NTN1: variants seen among roughly 807,000 people sequenced by gnomAD.
The protein encoded by NTN1 is netrin 1, also known as netrin-1.
NTN1 carries 11 observed loss-of-function variants against 54.2 expected under a neutral mutation model. The ratio of observed to expected loss-of-function variants is 0.20; its 90% confidence interval spans 0.13 to 0.34. NTN1 has a LOEUF of 0.34. NTN1 is among the 10% of genes least tolerant of loss of function. The pLI, the probability that NTN1 is intolerant of heterozygous loss-of-function variation, is 1.00. For synonymous variants in NTN1, 371 were observed against 382.0 expected (o/e 0.97, Z 0.33); for missense variants, 740 against 893.1 (o/e 0.83, Z 2.18).
At position 9,179,877 on chromosome 17, in the gene NTN1, G is replaced by T. The variant is rs1289412509; in HGVS notation, c.1278G>T (p.Lys426Asn). The T allele has an allele frequency of 6.2e-7, 1 of 1,614,028 alleles. No individual in the cohort carries two copies. The highest frequency in any genetic ancestry group is 1.3e-5 in the African/African-American group (1 of 74,952). ...AAACCACCGGCCAGTGTCCCTGCAA[G>T]GACGGCGTGACGGGTATCACCTGCA... ...CNQTTGQCPC[K>N]DGVTGITCNR... is the part of the protein sequence containing the mutation. The change falls in exon 4 of 7, where the codon AAG (lysine) becomes AAT (asparagine). Residue 426 changes from lysine (K) to asparagine (N), a missense_variant. By Grantham distance (94) the Lys-to-Asn change is moderately conservative. Transcript: ENST00000173229.
chr17:9,229,465 G>A (rs181813159), intron 6 of NTN1, among the ~76,000 whole-genome samples: 123 of 152,248 alleles, frequency 8.1e-4, no homozygotes, highest in Middle Eastern at 3.4e-3. Flanking sequence ...AATACTCTGC[G>A]CGGGATTAGG....
At chr17:9,197,373 C>T (rs969607770) in intron 5 of NTN1, among the ~76,000 whole-genome samples, 6 of 151,984 alleles carry the variant, frequency 3.9e-5, no homozygotes, top group South Asian at 4.2e-4. Flanking sequence ...AAATTCATGA[C>T]GTGGGCCAGG....
In NTN1 at chr17:9,135,114, T is replaced by C. The variant is rs930634665; in HGVS notation, c.1019-27699T>C. Among the ~76,000 whole-genome samples the C allele has an allele frequency of 6.6e-6, 1 of 152,138 alleles. No homozygotes were observed. Among genetic ancestry groups the C allele is most frequent in the Non-Finnish European group, 1.5e-5 (1 of 68,032 alleles). The stretch of plus-strand genomic sequence containing the variant: ...CACACCGAGGGCCCGGTAAGGCACA[T>C]TGTCCCCCAGCCCCTGATGCTCCCG... On this transcript the variant is annotated intron_variant, in intron 2 of 6. Transcript: ENST00000173229. The surrounding 1 kb of genome is among the most constrained non-coding windows in gnomAD (Gnocchi z 4.4).
chr17:9,022,974 G>T lies in NTN1; in HGVS notation c.601G>T (p.Ala201Ser). 1 of 1,610,858 alleles carries T rather than the reference G, an allele frequency of 6.2e-7. No individual in the cohort carries two copies. The highest frequency in any genetic ancestry group is 1.1e-5 in the South Asian group (1 of 90,820). The stretch of plus-strand genomic sequence containing the variant: ...CATCACCAAGCAGAACGAGCAGGAG[G>T]CCGTGTGCACCGACTCGCACACCGA... ...APITKQNEQEAVCTDSHTDMR... is the reference protein window; with the variant it reads ...APITKQNEQESVCTDSHTDMR... The change falls in exon 2 of 7, where the codon GCC becomes TCC. Residue 201 changes from alanine to serine, a missense_variant. By Grantham distance (99) the Ala-to-Ser change is moderately conservative. Coordinates refer to ENST00000173229, the MANE Select transcript of NTN1 (RefSeq NM_004822.3).
chr17:9,115,171 G>A (rs1294968858), intron 2 of NTN1, among the ~76,000 whole-genome samples: 1 of 152,242 alleles, frequency 6.6e-6, no homozygotes, highest in Non-Finnish European at 1.5e-5. Flanking sequence ...GACTGTGTAA[G>A]TGGGTGAATG....
chr17:9,221,342 G>C lies in NTN1; in HGVS notation c.1486+100G>C. 3 of 877,004 alleles carry C rather than the reference G, an allele frequency of 3.4e-6. No homozygotes were observed. The highest frequency in any genetic ancestry group is 5.8e-6 in the Non-Finnish European group (3 of 513,264). The allele number at this position is 877,004 out of a possible 1,614,324, so 54.3% of individuals were successfully genotyped here. ...AGCTGGCCCCCGATGGGTGTTGGTC[G>C]TGAAGACCCTGTGACCGATGGGAAC... On this transcript the variant is annotated intron_variant, in intron 6 of 6. Coordinates refer to ENST00000173229, the MANE Select transcript of NTN1 (RefSeq NM_004822.3). The surrounding 1 kb of genome is among the most constrained non-coding windows in gnomAD (Gnocchi z 4.5).
In NTN1 at chr17:9,211,746, T is replaced by C. The variant is rs976628439; in HGVS notation, c.1412-9422T>C. ...AGTTTGCTAGGCAGAAGCGCTATAT[T>C]CTTGTTGGTTTATGTTTTGTTTCTT... On this transcript the variant is annotated intron_variant, in intron 5 of 6. Coordinates refer to ENST00000173229, the MANE Select transcript of NTN1 (RefSeq NM_004822.3). The surrounding 1 kb of genome is among the most constrained non-coding windows in gnomAD (Gnocchi z 4.4). Among the ~76,000 whole-genome samples the C allele has an allele frequency of 5.3e-5, 8 of 150,700 alleles. No individual in the cohort carries two copies. Among genetic ancestry groups the C allele is most frequent in the Admixed American group, 4.0e-4 (6 of 15,054 alleles).
At chr17:9,034,547 C>A (rs1207687469) in intron 2 of NTN1, among the ~76,000 whole-genome samples, 1 of 151,614 alleles carries the variant, frequency 6.6e-6, no homozygotes. Context: ...CTCAGCCTCC[C>A]GAGTAGCTGA....
chr17:9,033,521 C>T (rs2091893922), intron 2 of NTN1, among the ~76,000 whole-genome samples: 1 of 152,154 alleles, frequency 6.6e-6, no homozygotes, highest in African/African-American at 2.4e-5. Context: ...CCAGTAATCC[C>T]AGCACTTTGG....
intron 2 of NTN1, among the ~76,000 whole-genome samples, chr17:9,099,760 T>C (rs1276407191): frequency 2.0e-5 from 3 of 152,212 alleles, no homozygotes; most frequent in Non-Finnish European, 4.4e-5. Context: ...AACTCTTTCT[T>C]ACAATAGCCA....
At chr17:9,144,036 C>T (rs2092306106) in intron 2 of NTN1, among the ~76,000 whole-genome samples, 1 of 152,042 alleles carries the variant, frequency 6.6e-6, no homozygotes, top group Admixed American at 6.6e-5. Flanking sequence ...GCTAGAATTA[C>T]AGGCACGCAC....
intron 5 of NTN1, among the ~76,000 whole-genome samples, chr17:9,184,104 A>G (rs8067387): frequency 0.88 from 133,303 of 152,210 alleles, 58,414 homozygotes; most frequent in South Asian, 0.89. Flanking sequence ...TTTAGGATAC[A>G]GACTGGATTT....
intron 2 of NTN1, among the ~76,000 whole-genome samples, chr17:9,114,759 A>T (rs2142255742): frequency 6.6e-6 from 1 of 152,338 alleles, no homozygotes; most frequent in South Asian, 2.1e-4. Flanking sequence ...GTCTCAAAAA[A>T]ATAATAACCA....
At chr17:9,067,834 C>T (rs11658397) in intron 2 of NTN1, among the ~76,000 whole-genome samples, 31,612 of 152,060 alleles carry the variant, frequency 0.21, 4,175 homozygotes, top group East Asian at 0.45. Flanking sequence ...AGGTCCATCC[C>T]TCGGCAGCCA....
intron 2 of NTN1, among the ~76,000 whole-genome samples, chr17:9,148,837 G>A (rs2092320419): frequency 6.6e-6 from 1 of 151,958 alleles, no homozygotes; most frequent in Non-Finnish European, 1.5e-5. Context: ...AGTTTTGGCT[G>A]CAGTCTGGGC....
chr17:9,019,046 G>A (rs759746360), upstream of NTN1, among the ~76,000 whole-genome samples: 9 of 152,160 alleles, frequency 5.9e-5, no homozygotes. Flanking sequence ...TAATGAACAT[G>A]GTCTCCTCAT....
intron 2 of NTN1, among the ~76,000 whole-genome samples, chr17:9,078,568 G>C (rs192802936): frequency 1.3e-5 from 2 of 152,238 alleles, no homozygotes; most frequent in Non-Finnish European, 2.9e-5. Flanking sequence ...TCTGTTCTTA[G>C]ATCTTCTTTA....
chr17:9,239,535 T>A lies in NTN1; in HGVS notation c.1487-105T>A. 8.7e-7 allele frequency: 1 copy of A among 1,150,100 alleles called. No homozygotes were observed. The highest frequency in any genetic ancestry group is 1.2e-6 in the Non-Finnish European group (1 of 802,448). 71.2% of individuals were successfully genotyped at this position (1,150,100 alleles called of 1,614,324 possible). On this transcript the variant is annotated intron_variant, in intron 6 of 6. Coordinates refer to ENST00000173229, the MANE Select transcript of NTN1 (RefSeq NM_004822.3). This position sits in a 1 kb window ranked among gnomAD's most constrained non-coding sequence, Gnocchi z 5.2. ...CTCCTGTATGGGCCACTCTGTGCAG[T>A]CACTTCCTGGGGCTGGGTCTCCTTT...
chr17:9,139,117 G>A (rs748521476), intron 2 of NTN1, among the ~76,000 whole-genome samples: 15 of 152,134 alleles, frequency 9.9e-5, no homozygotes, highest in South Asian at 2.1e-4. Context: ...ATAGTCTTTC[G>A]TGGAGGGGCT....
Sources: allele counts gnomAD v4.1 joint callset (sites outside exome capture counted in the v4.1 genomes callset), GRCh38; gene constraint gnomAD v4.1.1; non-coding constraint Gnocchi (gnomAD v3.1); transcripts MANE v1.5; gene names NCBI Gene and HGNC (gene_info 2026-07-23, HGNC 2026-07-21).